The following ZNF804B variants were observed in gnomAD, a reference collection of about 807,000 sequenced individuals.
The protein encoded by ZNF804B is zinc finger protein 804B, also known as zinc finger 804B.
A neutral mutation model predicts 101.4 loss-of-function variants in ZNF804B; 80 were observed. The observed-to-expected ratio is 0.79, with a 90% confidence interval of 0.66 to 0.95. The LOEUF is 0.95. Ranked by LOEUF, ZNF804B falls within the 40% of genes least tolerant of loss-of-function variation. The pLI is 0.00. For synonymous variants in ZNF804B, 622 were observed against 558.8 expected, an observed-to-expected ratio of 1.11 and a Z score of -1.59; for missense variants, 1,673 against 1,561.9, an observed-to-expected ratio of 1.07 and a Z score of -1.20.
intron 1 of ZNF804B, among the ~76,000 whole-genome samples, chr7:88,933,964 A>G (rs1223186091): frequency 6.6e-6 from 1 of 151,630 alleles, no homozygotes; most frequent in Non-Finnish European, 1.5e-5. Flanking sequence ...TAGCCAAAGC[A>G]ATACTAAGGA....
chr7:89,148,848 T>C (rs1264592827), intron 1 of ZNF804B, among the ~76,000 whole-genome samples: 8 of 152,084 alleles, frequency 5.3e-5, no homozygotes, highest in Non-Finnish European at 1.2e-4. Context: ...CATTCTTTGA[T>C]GAATATCCTT....
At chr7:89,017,415 A>G (rs1358278405) in intron 1 of ZNF804B, among the ~76,000 whole-genome samples, 3 of 152,170 alleles carry the variant, frequency 2.0e-5, no homozygotes, top group Non-Finnish European at 4.4e-5. Context: ...GTCTTGTGCC[A>G]GTTTTCAAAG....
Position 88,989,657 on chromosome 7 carries a change from C to A in ZNF804B, c.109-228498C>A, listed in dbSNP as rs529573857. On this transcript the variant is annotated intron_variant, in intron 1 of 3. Coordinates refer to ENST00000333190, the MANE Select transcript of ZNF804B (RefSeq NM_181646.5). ...GTCAGATACCTCCATTGGCCATTTTCCCAATGATACCTAATGACATTCAGA... is the reference window on the plus strand; with the variant it reads ...GTCAGATACCTCCATTGGCCATTTTACCAATGATACCTAATGACATTCAGA... Among the ~76,000 whole-genome samples the A allele has an allele frequency of 2.6e-5, 4 of 152,180 alleles. No homozygotes were observed. The East Asian group carries it at 7.8e-4, about 29-fold the overall frequency.
chr7:89,066,201 A>G (rs185718103), intron 1 of ZNF804B, among the ~76,000 whole-genome samples: 1 of 152,012 alleles, frequency 6.6e-6, no homozygotes, highest in Admixed American at 6.6e-5. Context: ...TTCATGGGAC[A>G]TATTGATCAC....
chr7:88,967,511 CCACTT>C (rs1475855922), intron 1 of ZNF804B, among the ~76,000 whole-genome samples: 7 of 151,540 alleles, frequency 4.6e-5, no homozygotes, highest in Non-Finnish European at 8.9e-5. Flanking sequence ...AAGGGACAGA[CCACTT>C]CATGTTAATG....
chr7:88,827,650 G>A (rs1385673593), intron 1 of ZNF804B, among the ~76,000 whole-genome samples: 1 of 151,842 alleles, frequency 6.6e-6, no homozygotes, highest in Non-Finnish European at 1.5e-5. Context: ...ACCTCAAACT[G>A]AATTTGGCTC....
At chr7:89,282,312 A>G (rs1208875) in intron 2 of ZNF804B, among the ~76,000 whole-genome samples, 42,820 of 151,870 alleles carry the variant, frequency 0.28, 6,174 homozygotes, top group African/African-American at 0.33. Flanking sequence ...CTATGAAATG[A>G]CACATGTGCC....
rs750705171 is a variant in ZNF804B at position 89,336,396 on chromosome 7, T to C, written c.3414T>C (p.Ser1138=). ...ACGGATTAGAAATGTGTCATAAATCTATCTCTCCCCCTTTAATTCAACAGC... is the reference window on the plus strand; with the variant it reads ...ACGGATTAGAAATGTGTCATAAATCCATCTCTCCCCCTTTAATTCAACAGC... The part of the protein sequence containing the change: ...VEDGLEMCHK[S]ISPPLIQQPI... The change falls in exon 4 of 4, where the codon TCT becomes TCC. Residue 1138 remains serine (S), a synonymous_variant. Coordinates refer to ENST00000333190, the MANE Select transcript of ZNF804B (RefSeq NM_181646.5). 6.2e-7 allele frequency: 1 copy of C among 1,614,076 alleles called. No individual in the cohort carries two copies. Among genetic ancestry groups the C allele is most frequent in the Non-Finnish European group, 8.5e-7 (1 of 1,180,010 alleles).
chr7:88,866,544 A>C (rs910732969), intron 1 of ZNF804B, among the ~76,000 whole-genome samples: 7 of 152,212 alleles, frequency 4.6e-5, no homozygotes, highest in African/African-American at 1.4e-4. Flanking sequence ...AAGAGGTCAC[A>C]TTAAAAAACA....
chr7:89,156,216 C>G (rs1283346624), intron 1 of ZNF804B, among the ~76,000 whole-genome samples: 2 of 151,898 alleles, frequency 1.3e-5, no homozygotes, highest in Non-Finnish European at 2.9e-5. Context: ...CAGGTTCAAG[C>G]AATTCTCCTG....
In ZNF804B at chr7:89,304,147, G is replaced by A. The variant is rs145224906; in HGVS notation, c.250-23197G>A. On this transcript the variant is annotated intron_variant, in intron 2 of 3. Transcript: ENST00000333190. ...CACAAATGTCTTTCCCAAAGTCCTG[G>A]GAGTCATCCCTTTGAAATATAATCA... 1.3e-3 allele frequency among the ~76,000 whole-genome samples: 196 copies of A among 151,708 alleles called. 1 individual carries two copies. The highest frequency in any genetic ancestry group is 4.4e-3 in the African/African-American group (183 of 41,412).
intron 2 of ZNF804B, among the ~76,000 whole-genome samples, chr7:89,322,815 G>A (rs1790840310): frequency 6.6e-6 from 1 of 152,094 alleles, no homozygotes; most frequent in Non-Finnish European, 1.5e-5. Context: ...AAATACTCCA[G>A]GAAAACATGG....
chr7:89,174,992 A>T (rs1488893863), intron 1 of ZNF804B, among the ~76,000 whole-genome samples: 1 of 151,924 alleles, frequency 6.6e-6, no homozygotes, highest in Non-Finnish European at 1.5e-5. Context: ...TACTTATTAA[A>T]TTCTTGTCAG....
At chr7:88,829,178 G>A (rs893590818) in intron 1 of ZNF804B, among the ~76,000 whole-genome samples, 1 of 152,058 alleles carries the variant, frequency 6.6e-6, no homozygotes, top group East Asian at 1.9e-4. Context: ...TTGAACTCCT[G>A]TGCTCAAACT....
intron 1 of ZNF804B, among the ~76,000 whole-genome samples, chr7:88,832,707 T>A (rs1173007218): frequency 6.6e-6 from 1 of 151,982 alleles, no homozygotes; most frequent in Admixed American, 6.6e-5. Flanking sequence ...TGTGTTTGGT[T>A]CCATCTTAAC....
chr7:89,176,232 AT>A (rs1213727398), intron 1 of ZNF804B, among the ~76,000 whole-genome samples: 1 of 151,938 alleles, frequency 6.6e-6, no homozygotes, highest in Non-Finnish European at 1.5e-5. Context: ...GGTCTGTCAT[AT>A]ACAGCTTTTA....
At chr7:89,102,884 C>A (rs1477102036) in intron 1 of ZNF804B, among the ~76,000 whole-genome samples, 1 of 151,306 alleles carries the variant, frequency 6.6e-6, no homozygotes, top group African/African-American at 2.4e-5. Flanking sequence ...AGGTGTCCAG[C>A]TTCATTCTTC....
chr7:89,069,278 C>T (rs1789499709), intron 1 of ZNF804B, among the ~76,000 whole-genome samples: 1 of 152,118 alleles, frequency 6.6e-6, no homozygotes, highest in African/African-American at 2.4e-5. Context: ...TGATGGGGCA[C>T]AAAGTGTTAA....
chr7:89,204,590 T>C (rs1788690082), intron 1 of ZNF804B, among the ~76,000 whole-genome samples: 1 of 152,158 alleles, frequency 6.6e-6, no homozygotes, highest in African/African-American at 2.4e-5. Flanking sequence ...TCTCATGGGA[T>C]ATGATGGAGG....
Sources: allele counts gnomAD v4.1 joint callset (sites outside exome capture counted in the v4.1 genomes callset), GRCh38; gene constraint gnomAD v4.1.1; transcripts MANE v1.5; gene names NCBI Gene and HGNC (gene_info 2026-07-23, HGNC 2026-07-21).